GABARAPL1: variants seen among roughly 807,000 people sequenced by gnomAD.
GABARAPL1 encodes GABA type A receptor associated protein like 1, also known as gamma-aminobutyric acid receptor-associated protein-like 1.
GABARAPL1 carries 4 observed loss-of-function variants against 14.5 expected under a neutral mutation model. The ratio of observed to expected loss-of-function variants is 0.28; its 90% CI spans 0.14 to 0.63. The LOEUF (loss-of-function observed/expected upper bound fraction) is 0.63. Ranked by LOEUF, GABARAPL1 falls within the 30% of genes least tolerant of loss-of-function variation. The pLI is 0.84. For missense variants in GABARAPL1, 82 were observed against 139.2 expected, an observed-to-expected ratio of 0.59 and a Z score of 2.07; for synonymous variants, 47 against 50.6, an observed-to-expected ratio of 0.93 and a Z score of 0.30.
chr12:10,220,008 T>C (rs576757084), intron 2 of GABARAPL1, among the ~76,000 whole-genome samples: 153 of 152,288 alleles, frequency 1.0e-3, no homozygotes, highest in African/African-American at 3.5e-3. Flanking sequence ...TGACTGACTG[T>C]GCTAAGATGA....
intron 3 of GABARAPL1, 86 bp downstream of exon 3, chr12:10,220,644 A>C: frequency 1.9e-6 from 3 of 1,596,958 alleles, no homozygotes; most frequent in Non-Finnish European, 2.6e-6. Context: ...TTGATAACAC[A>C]TCTGAGAAGT....
At chr12:10,221,757 T>C (rs1200323756) in intron 3 of GABARAPL1, 30 bp from the exon 4 acceptor site, 1 of 1,612,796 alleles carries the variant, frequency 6.2e-7, no homozygotes, top group South Asian at 1.1e-5. Flanking sequence ...GAATATGTTT[T>C]CTAAACTGTT....
intron 1 of GABARAPL1, among the ~76,000 whole-genome samples, chr12:10,215,662 C>T (rs1443780158): frequency 6.6e-6 from 1 of 152,128 alleles, no homozygotes; most frequent in Admixed American, 6.5e-5. Context: ...TTATCACTTT[C>T]TTTATCTGTC....
Position 10,213,145 on chromosome 12 carries a change from A to G in GABARAPL1, c.16A>G (p.Lys6Glu). ...GCGGTGCATCATGAAGTTCCAGTAC[A>G]AGGAGGACCATCCCTTTGAGTATCG... Reference protein sequence around the residue: MKFQYKEDHPFEYRKK... With the variant: MKFQYEEDHPFEYRKK... The change falls in exon 1 of 4, where the codon AAG (lysine) becomes GAG (glutamate). Residue 6 changes from lysine (K) to glutamate (E), a missense_variant. This residue lies in a region of GABARAPL1 where 16 missense variants were observed against 18.0 expected (regional missense o/e 0.89). Coordinates refer to ENST00000266458, the MANE Select transcript of GABARAPL1 (RefSeq NM_031412.4). The G allele has an allele frequency of 6.3e-7, 1 of 1,586,992 alleles. No homozygotes were observed.
chr12:10,216,492 CT>C (rs960794460), intron 1 of GABARAPL1, among the ~76,000 whole-genome samples: 9 of 144,906 alleles, frequency 6.2e-5, no homozygotes, highest in African/African-American at 2.3e-4. Flanking sequence ...ACTTTTTTTT[CT>C]GCATTTCCCA....
intron 3 of GABARAPL1, 123 bp from the exon 4 acceptor site, chr12:10,221,664 C>T: frequency 8.7e-7 from 1 of 1,153,572 alleles, no homozygotes; most frequent in Non-Finnish European, 1.2e-6. Context: ...ATCCTTTGCT[C>T]CTCTTTTAAA....
rs375531305 is a variant in GABARAPL1 at position 10,216,434 on chromosome 12, C to T, written c.91-1629C>T. Among the ~76,000 whole-genome samples, 342 of 150,878 alleles carry T rather than the reference C, an allele frequency of 2.3e-3. 16 individuals carry two copies. In the South Asian group the frequency reaches 0.07, roughly 31 times the overall value. Reference sequence around the variant, plus strand: ...AGGTTACGTGACCTGTTGAAGATCACACAGCCACTAGAAGTACTCATACAG... The same window carrying T: ...AGGTTACGTGACCTGTTGAAGATCATACAGCCACTAGAAGTACTCATACAG... On this transcript the variant is annotated intron_variant, in intron 1 of 3. Transcript: ENST00000266458.
At chr12:10,217,653 A>C (rs1014804747) in intron 1 of GABARAPL1, among the ~76,000 whole-genome samples, 1 of 152,180 alleles carries the variant, frequency 6.6e-6, no homozygotes, top group Non-Finnish European at 1.5e-5. Flanking sequence ...GAATTGCTTG[A>C]ATCCGGGAGG....
intron 2 of GABARAPL1, among the ~76,000 whole-genome samples, chr12:10,219,464 A>AT (rs1949108503): frequency 6.6e-6 from 1 of 152,130 alleles, no homozygotes; most frequent in Admixed American, 6.5e-5. Flanking sequence ...CTTAAGCTAC[A>AT]TTTTTTTAAA....
At chr12:10,218,833 C>T (rs1337957232) in intron 2 of GABARAPL1, among the ~76,000 whole-genome samples, 2 of 151,462 alleles carry the variant, frequency 1.3e-5, no homozygotes, top group Non-Finnish European at 2.9e-5. Context: ...CTCAGCCTGC[C>T]GAGTAGCTGG....
chr12:10,221,694 C>T (rs1949120902), intron 3 of GABARAPL1, 93 bp from the exon 4 acceptor site: 1 of 1,402,196 alleles, frequency 7.1e-7, no homozygotes, highest in Admixed American at 1.8e-5. Flanking sequence ...ATGATACCTT[C>T]CATACCTGCT....
At chr12:10,219,279 A>G (rs1037232335) in intron 2 of GABARAPL1, among the ~76,000 whole-genome samples, 7 of 151,240 alleles carry the variant, frequency 4.6e-5, no homozygotes, top group Non-Finnish European at 8.8e-5. Context: ...AGATCGCACC[A>G]CTGCACTCCA....
At chr12:10,216,537 CTT>C (rs71049067) in intron 1 of GABARAPL1, among the ~76,000 whole-genome samples, 31 of 112,200 alleles carry the variant, frequency 2.8e-4, no homozygotes, top group Middle Eastern at 5.3e-3. Context: ...ATTTTCTTTT[CTT>C]TTTTTTTTTT....
chr12:10,213,063 G>A lies in GABARAPL1; in HGVS notation c.-67G>A, dbSNP rs1442679973. On this transcript the variant is annotated 5_prime_UTR_variant, in exon 1 of 4. Coordinates refer to ENST00000266458, the MANE Select transcript of GABARAPL1 (RefSeq NM_031412.4). ...GCACACCTTGACGTCGGCTGAGGGA[G>A]CGGGACAGGGTCAGCGGCGAAGGAG... 3 of 953,668 alleles carry A rather than the reference G, an allele frequency of 3.1e-6. No individual in the cohort carries two copies. The Admixed American group carries it at 6.1e-5, about 19-fold the overall frequency. The allele number at this position is 953,668 out of a possible 1,614,324, so 59.1% of individuals were successfully genotyped here. A position where few individuals can be genotyped will look rare whatever the true frequency, so the allele number is the denominator to read the frequency against.
chr12:10,218,684 T>A (rs1200265383), intron 2 of GABARAPL1, among the ~76,000 whole-genome samples: 1 of 152,004 alleles, frequency 6.6e-6, no homozygotes, highest in Non-Finnish European at 1.5e-5. Flanking sequence ...TTTAAACCAC[T>A]TTTATTTTAA....
chr12:10,217,842 A>T (rs1401856100), intron 1 of GABARAPL1, among the ~76,000 whole-genome samples: 1 of 152,200 alleles, frequency 6.6e-6, no homozygotes, highest in African/African-American at 2.4e-5. Context: ...CATCATATAC[A>T]ATCTCTAGTT....
chr12:10,223,076 A>C lies in GABARAPL1; in HGVS notation c.*1224A>C, dbSNP rs1949127830. On this transcript the variant is annotated 3_prime_UTR_variant, in exon 4 of 4. Coordinates refer to ENST00000266458, the MANE Select transcript of GABARAPL1 (RefSeq NM_031412.4). ...TCTGTCAGCTGCAAGTTCTTGTATA[A>C]TGAAGTCAATGCCATCAGGCCAAGG... The C allele has an allele frequency of 6.6e-6, 1 of 152,622 alleles. No homozygotes were observed. The allele number at this position is 152,622 out of a possible 1,614,324, so 9.5% of individuals were successfully genotyped here. A position where few individuals can be genotyped will look rare whatever the true frequency, so the allele number is the denominator to read the frequency against.
intron 2 of GABARAPL1, among the ~76,000 whole-genome samples, chr12:10,219,190 G>A (rs1949106335): frequency 6.6e-6 from 1 of 151,836 alleles, no homozygotes; most frequent in African/African-American, 2.4e-5. Context: ...GTGTTGTTGG[G>A]CACCTGTAAT....
At chr12:10,217,719 A>T (rs1949098353) in intron 1 of GABARAPL1, among the ~76,000 whole-genome samples, 1 of 152,184 alleles carries the variant, frequency 6.6e-6, no homozygotes, top group Non-Finnish European at 1.5e-5. Flanking sequence ...GGTGACAGTG[A>T]GACTTCATCT....
Sources: gnomAD v4.1 joint callset for allele counts (sites outside exome capture counted in the v4.1 genomes callset) on GRCh38, gnomAD v4.1.1 for gene constraint, gnomAD v4.1.1 regional missense constraint, MANE v1.5 for transcripts, NCBI Gene and HGNC (gene_info 2026-07-23, HGNC 2026-07-21) for gene names.